Variants in TTN observed in about 807,000 individuals in gnomAD.
TTN encodes the protein titin.
A neutral mutation model predicts 3,223.0 loss-of-function variants in TTN; 1,525 were observed. The observed-to-expected ratio is 0.47, with a 90% CI of 0.45 to 0.49. The LOEUF is 0.49. Ranked by LOEUF, TTN falls within the 20% of genes least tolerant of loss-of-function variation. TTN has a pLI of 0.00. For missense variants in TTN, 40,786 were observed against 43,424.0 expected (o/e 0.94, Z 5.40); for synonymous variants, 14,094 against 15,161.0 (o/e 0.93, Z 5.17).
At position 178,777,089 on chromosome 2, in the gene TTN, A is replaced by G. The variant is rs768353938; in HGVS notation, c.4815-40T>C. ...GGGAGGGAATAATCAATATAGTGGT[A>G]TAGCTTCCCTGGTTATTGGATTTGT... On this transcript the variant is annotated intron_variant, in intron 27 of 362. Coordinates refer to ENST00000589042, the MANE Select transcript of TTN (RefSeq NM_001267550.2). The G allele has an allele frequency of 1.9e-6, 3 of 1,613,930 alleles. No individual in the cohort carries two copies. In the East Asian group the frequency reaches 6.7e-5, roughly 36 times the overall value.
chr2:178,804,729 G>T lies in TTN; in HGVS notation c.-13-74C>A, dbSNP rs1004572400. 3.0e-6 allele frequency: 4 copies of T among 1,355,582 alleles called. No homozygotes were observed. In the African/African-American group the frequency reaches 4.3e-5, roughly 15 times the overall value. The allele number at this position is 1,355,582 out of a possible 1,614,324, so 84.0% of individuals were successfully genotyped here. On this transcript the variant is annotated intron_variant, in intron 1 of 362. Transcript: ENST00000589042. The stretch of plus-strand genomic sequence containing the variant: ...CTGGAGCTGCTTTGCAGATAGCAGA[G>T]ACACACGTTTCTCCAAATGGATTGC...
intron 281 of TTN, 68 bp downstream of exon 281, chr2:178,604,640 A>G (rs906000454): frequency 6.9e-7 from 1 of 1,457,392 alleles, no homozygotes. Flanking sequence ...CCAAGGTTAT[A>G]TTAAAATGGC....
chr2:178,781,218 C>T lies in TTN; in HGVS notation c.3426G>A (p.Val1142=), dbSNP rs1304576217. The T allele has an allele frequency of 6.2e-7, 1 of 1,614,024 alleles. No individual in the cohort carries two copies. Among genetic ancestry groups the T allele is most frequent in the Admixed American group, 1.7e-5 (1 of 60,014 alleles). The change falls in exon 21 of 363, where the codon GTG becomes GTA. Residue 1142 remains valine (V), a synonymous_variant. Transcript: ENST00000589042. Reference sequence around the variant, plus strand: ...CATCATCAGCAAAAGTCATAGAAATCACCAGCTTGCATTCACCGGTTTGTT... The same window carrying T: ...CATCATCAGCAAAAGTCATAGAAATTACCAGCTTGCATTCACCGGTTTGTT... ...YNKQTGECKL[V]ISMTFADDAG...
intron 113 of TTN, 133 bp downstream of exon 113, chr2:178,696,988 T>C (rs1437769218): frequency 2.7e-6 from 2 of 747,496 alleles, no homozygotes; most frequent in Non-Finnish European, 4.2e-6. Context: ...TCATTTCTAA[T>C]GCTAAATTTA....
intron 34 of TTN, 106 bp from the exon 35 acceptor site, chr2:178,770,781 C>A: frequency 7.2e-7 from 1 of 1,396,972 alleles, no homozygotes; most frequent in Non-Finnish European, 1.0e-6. Flanking sequence ...GAATGGCTAC[C>A]AAACATTTTA....
At position 178,547,974 on chromosome 2, in the gene TTN, T is replaced by C; in HGVS notation, c.93652A>G (p.Thr31218Ala). Residue 31218 changes from threonine to alanine, a missense_variant, in exon 339 of 363, where the codon ACT becomes GCT. Transcript: ENST00000589042. ...GTTATAAGCTGATTGGTAATTCCAGTGAGGTCAGCAGTGGGCTCGATTTGA... is the reference window on the plus strand; with the variant it reads ...GTTATAAGCTGATTGGTAATTCCAGCGAGGTCAGCAGTGGGCTCGATTTGA... ...EPQIEPTADL[T>A]GITNQLITCK... 1 of 1,613,612 alleles carries C rather than the reference T, an allele frequency of 6.2e-7. No homozygotes were observed. The highest frequency in any genetic ancestry group is 1.1e-5 in the South Asian group (1 of 91,060).
At position 178,633,863 on chromosome 2, in the gene TTN, T is replaced by C; in HGVS notation, c.42636A>G (p.Lys14212=). The change falls in exon 231 of 363, where the codon AAA becomes AAG. Residue 14212 remains lysine, a synonymous_variant. Coordinates refer to ENST00000589042, the MANE Select transcript of TTN (RefSeq NM_001267550.2). ...EVTLDDISQI[K]AQVKELSSTA... is the part of the protein sequence containing the mutation. ...TGGAGCTCAGCTCCTTGACTTGAGC[T>C]TTTATCTGAGATATATCATCCAATG... The C allele has an allele frequency of 4.3e-6, 7 of 1,613,448 alleles. No homozygotes were observed. Among genetic ancestry groups the C allele is most frequent in the Non-Finnish European group, 5.1e-6 (6 of 1,179,596 alleles).
intron 121 of TTN, among the ~76,000 whole-genome samples, chr2:178,690,227 ACTT>A (rs1037315521): frequency 6.6e-6 from 1 of 152,174 alleles, no homozygotes; most frequent in African/African-American, 2.4e-5. Flanking sequence ...TATATAGAAA[ACTT>A]CTTTACGCTT....
Position 178,665,445 on chromosome 2 carries a change from T to C in TTN, c.35975A>G (p.Lys11992Arg). Residue 11992 changes from lysine (K) to arginine (R), a missense_variant, in exon 165 of 363, where the codon AAA becomes AGA. Lys to Arg is a conservative substitution (Grantham distance 26). Transcript: ENST00000589042. ...TATTTTCATTTCAGGGACAACTTCT[T>C]TCATAGCTTCTGGTGCTTTGAAGAT... Reference protein sequence around the residue: ...IPPTKAPEAMKEVVPEMKIFE... With the variant: ...IPPTKAPEAMREVVPEMKIFE... 5 of 1,612,388 alleles carry C rather than the reference T, an allele frequency of 3.1e-6. No individual in the cohort carries two copies. The highest frequency in any genetic ancestry group is 4.2e-6 in the Non-Finnish European group (5 of 1,179,568).
In TTN at chr2:178,599,415, T is replaced by C. The variant is rs570125605; in HGVS notation, c.56378A>G (p.Lys18793Arg). The C allele has an allele frequency of 6.4e-7, 1 of 1,555,606 alleles. No homozygotes were observed. Among genetic ancestry groups the C allele is most frequent in the East Asian group, 2.3e-5 (1 of 44,056 alleles). The change falls in exon 290 of 363, where the codon AAA becomes AGA. Residue 18793 changes from lysine to arginine, a missense_variant. Physicochemically the swap from Lys to Arg is conservative, Grantham distance 26. Coordinates refer to ENST00000589042, the MANE Select transcript of TTN (RefSeq NM_001267550.2). Reference sequence around the variant, plus strand: ...TTGATCTGCTGAAACAGATTCAAATTTTATGGGTCCCACTGGAGGGCCAGG... The same window carrying C: ...TTGATCTGCTGAAACAGATTCAAATCTTATGGGTCCCACTGGAGGGCCAGG... ...GRPGPPVGPI[K>R]FESVSADQMT... is the part of the protein sequence containing the mutation.
At chr2:178,754,545 G>A (rs767261515) in intron 46 of TTN, among the ~76,000 whole-genome samples, 8 of 151,400 alleles carry the variant, frequency 5.3e-5, no homozygotes, top group Non-Finnish European at 3.0e-5. Flanking sequence ...GATTCTTTAG[G>A]AAGTGAGTTA....
chr2:178,695,409 T>C lies in TTN; in HGVS notation c.31209A>G (p.Glu10403=). 1.2e-6 allele frequency: 2 copies of C among 1,612,064 alleles called. No homozygotes were observed. Among genetic ancestry groups the C allele is most frequent in the Non-Finnish European group, 1.7e-6 (2 of 1,178,504 alleles). ...VIQVQKEVYE[E]SHERKVPAKV... ...TGGCTGGAACTTTTCTCTCATGTGA[T>C]TCTGAAATAAAAACACAGGAATAAG... Residue 10403 remains glutamate, a splice_region_variant and synonymous_variant, in exon 115 of 363, where the codon GAA becomes GAG. Transcript: ENST00000589042.
rs369266863 is a variant in TTN at position 178,614,309 on chromosome 2, A to G, written c.49088T>C (p.Val16363Ala). The G allele has an allele frequency of 2.5e-6, 4 of 1,612,594 alleles. No homozygotes were observed. The African/African-American group carries it at 4.0e-5, about 16-fold the overall frequency. ...GPPAAFDITD[V>A]TNESCLLTWN... Reference sequence around the variant, plus strand: ...TGTTAGAAGACATGACTCATTGGTTACATCTGTGATGTCAAAGGCAGCTGG... The same window carrying G: ...TGTTAGAAGACATGACTCATTGGTTGCATCTGTGATGTCAAAGGCAGCTGG... Residue 16363 changes from valine to alanine, a missense_variant, in exon 262 of 363, where the codon GTA (valine) becomes GCA (alanine). Transcript: ENST00000589042.
chr2:178,768,202 GA>G (rs760464908), intron 38 of TTN, 47 bp from the exon 39 acceptor site: 3 of 1,592,440 alleles, frequency 1.9e-6, no homozygotes, highest in South Asian at 2.2e-5. Context: ...CAGCTTTATT[GA>G]GATATAATTC....
Position 178,777,972 on chromosome 2 carries a change from A to G in TTN, c.4212T>C (p.Ser1404=). 1 of 1,613,558 alleles carries G rather than the reference A, an allele frequency of 6.2e-7. No homozygotes were observed. Among genetic ancestry groups the G allele is most frequent in the Non-Finnish European group, 8.5e-7 (1 of 1,179,752 alleles). ...ACCTGCTCACTGAACGTGGAGAGAG[A>G]GATCTGCAAAACAAAGACACACAAT... ...PTLEPVSRIR[S]LSPRSVSRSP... is the part of the protein sequence containing the mutation. Residue 1404 remains serine, a synonymous_variant, in exon 25 of 363, where the codon TCT becomes TCC. Coordinates refer to ENST00000589042, the MANE Select transcript of TTN (RefSeq NM_001267550.2).
intron 102 of TTN, 25 bp downstream of exon 102, chr2:178,706,429 G>A (rs781572637): frequency 1.6e-5 from 25 of 1,585,352 alleles, no homozygotes; most frequent in South Asian, 6.8e-5. Flanking sequence ...CTGATTGTAC[G>A]ATTTGTGGTT....
intron 219 of TTN, 117 bp downstream of exon 219, chr2:178,642,120 T>C (rs2061319161): frequency 5.1e-6 from 4 of 780,100 alleles, no homozygotes; most frequent in Non-Finnish European, 7.5e-6. Flanking sequence ...TACAAACAAA[T>C]TTTGATAAAT....
chr2:178,546,217 A>G lies in TTN; in HGVS notation c.95114T>C (p.Val31705Ala). The G allele has an allele frequency of 6.2e-7, 1 of 1,607,832 alleles. No homozygotes were observed. Among genetic ancestry groups the G allele is most frequent in the Non-Finnish European group, 8.5e-7 (1 of 1,175,736 alleles). ...AGAACATTTGACATGCTTACCAAGC[A>G]CTTTGACCATGACAGACACGGCCTT... Reference protein sequence around the residue: ...GTKAVSVMVKVLDSPGPCGKL... With the variant: ...GTKAVSVMVKALDSPGPCGKL... Residue 31705 changes from valine to alanine, a missense_variant, in exon 342 of 363, where the codon GTG (valine) becomes GCG (alanine). Coordinates refer to ENST00000589042, the MANE Select transcript of TTN (RefSeq NM_001267550.2).
Position 178,779,257 on chromosome 2 carries a change from C to T in TTN, c.3935G>A (p.Cys1312Tyr). ...TGGTAATGGATATCCAGACATCTTG[C>T]AATGAAAAGTGACACCCATCCCCTC... ...ILEGMGVTFH[C>Y]KMSGYPLPKI... The change falls in exon 23 of 363, where the codon TGC becomes TAC. Residue 1312 changes from cysteine to tyrosine, a missense_variant. Transcript: ENST00000589042. 2 of 1,613,780 alleles carry T rather than the reference C, an allele frequency of 1.2e-6. No homozygotes were observed. The highest frequency in any genetic ancestry group is 1.7e-6 in the Non-Finnish European group (2 of 1,179,836).
Sources: allele counts gnomAD v4.1 joint callset (sites outside exome capture counted in the v4.1 genomes callset), GRCh38; gene constraint gnomAD v4.1.1; transcripts MANE v1.5; gene names NCBI Gene and HGNC (gene_info 2026-07-23, HGNC 2026-07-21).